FANCA: variants seen among roughly 807,000 people sequenced by gnomAD.
FANCA encodes the protein FA complementation group A.
In FANCA, 236 loss-of-function variants were observed where a neutral mutation model predicts 194.3. The ratio of observed to expected loss-of-function variants is 1.21; its 90% CI spans 1.09 to 1.35. FANCA has a LOEUF of 1.35. Among genes scored for constraint, FANCA ranks in the 40% most tolerant of loss-of-function variants. The probability of loss-of-function intolerance (pLI) is 0.00; values close to 1 mark genes in which losing one functional copy is unlikely to be tolerated. For synonymous variants in FANCA, 1,014 were observed against 715.8 expected (o/e 1.42, Z -6.65); for missense variants, 2,628 against 1,813.9 (o/e 1.45, Z -8.15).
At chr16:89,816,140 T>C (rs1012229917) in intron 1 of FANCA, 154 bp from the exon 2 acceptor site, 1 of 687,752 alleles carries the variant, frequency 1.5e-6, no homozygotes, top group South Asian at 1.5e-5. Context: ...CTCGGGAAAC[T>C]AACGGAGACG....
intron 5 of FANCA, 193 bp downstream of exon 5, chr16:89,810,514 G>A (rs1221877772): frequency 3.3e-6 from 2 of 602,664 alleles, no homozygotes; most frequent in South Asian, 1.9e-5. Flanking sequence ...GGTGAATAGG[G>A]ACAAAAAATG....
chr16:89,809,043 C>A (rs1465701490), intron 5 of FANCA, among the ~76,000 whole-genome samples: 1 of 151,968 alleles, frequency 6.6e-6, no homozygotes, highest in Non-Finnish European at 1.5e-5. Context: ...GTAGCTGGGA[C>A]TACAGGTGCC....
intron 14 of FANCA, among the ~76,000 whole-genome samples, chr16:89,789,226 C>T (rs975326624): frequency 2.0e-5 from 3 of 151,694 alleles, no homozygotes; most frequent in Non-Finnish European, 4.4e-5. Context: ...TTGACACTGA[C>T]ACTGCACCAG....
At chr16:89,784,790 A>G (rs934755021) in intron 15 of FANCA, 64 bp downstream of exon 15, 1 of 1,280,746 alleles carries the variant, frequency 7.8e-7, no homozygotes, top group Non-Finnish European at 1.1e-6. Flanking sequence ...AGGCCAAGGC[A>G]GTCCTCAGAT....
chr16:89,774,240 C>G (rs2039418514), intron 21 of FANCA, among the ~76,000 whole-genome samples: 2 of 152,140 alleles, frequency 1.3e-5, no homozygotes, highest in South Asian at 4.1e-4. Context: ...CTCTAGGAGT[C>G]TGTGCATAAG....
At chr16:89,773,892 C>T (rs574653521) in intron 21 of FANCA, among the ~76,000 whole-genome samples, 45 of 151,874 alleles carry the variant, frequency 3.0e-4, no homozygotes, top group Non-Finnish European at 4.9e-4. Flanking sequence ...GCCTCAGCCT[C>T]CCGAGTAGCT....
rs34010191 is a variant in FANCA at position 89,805,222 on chromosome 16, C to T, written c.709+58G>A. 12,921 of 1,320,112 alleles carry T rather than the reference C, an allele frequency of 9.8e-3. 102 individuals carry two copies. Among genetic ancestry groups the T allele is most frequent in the Middle Eastern group, 0.035 (193 of 5,550 alleles). The allele number at this position is 1,320,112 out of a possible 1,614,324, so 81.8% of individuals were successfully genotyped here. ...TCGCAGAGCTCTTGAGAGCAGAAGG[C>T]ATTATCACAGATCAAAATGAGTTTT... is the stretch of plus-strand genomic sequence containing the variant. On this transcript the variant is annotated intron_variant, in intron 7 of 42. Coordinates refer to ENST00000389301, the MANE Select transcript of FANCA (RefSeq NM_000135.4).
Position 89,740,828 on chromosome 16 carries a change from C to G in FANCA, c.3804G>C (p.Leu1268=), listed in dbSNP as rs1449170388. Residue 1268 remains leucine, a synonymous_variant, in exon 38 of 43, where the codon CTG becomes CTC. Coordinates refer to ENST00000389301, the MANE Select transcript of FANCA (RefSeq NM_000135.4). ...CATTTGAGGTCAGATGTGACGACAG[C>G]AGGCCCATCAAGGAGAAGAAGAAAA... is the stretch of plus-strand genomic sequence containing the variant. ...VFLFFFSLMG[L]LSSHLTSNST... 6.2e-7 allele frequency: 1 copy of G among 1,613,576 alleles called. No homozygotes were observed. Among genetic ancestry groups the G allele is most frequent in the Non-Finnish European group, 8.5e-7 (1 of 1,179,754 alleles).
chr16:89,739,363 T>C, intron 40 of FANCA, 74 bp from the exon 41 acceptor site: 1 of 1,599,728 alleles, frequency 6.3e-7, no homozygotes. Flanking sequence ...GGGATACTGC[T>C]CATCTGTGGA....
At chr16:89,746,173 C>T (rs954826780) in intron 35 of FANCA, among the ~76,000 whole-genome samples, 15 of 152,154 alleles carry the variant, frequency 9.9e-5, no homozygotes, top group African/African-American at 3.4e-4. Context: ...CTCCGAAGTC[C>T]CAAGAAAGCA....
chr16:89,746,966 G>A (rs1348444369), intron 33 of FANCA, 76 bp from the exon 34 acceptor site: 6 of 1,362,838 alleles, frequency 4.4e-6, no homozygotes, highest in South Asian at 1.3e-5. Flanking sequence ...TGGCTGCTGT[G>A]GATTCAGTTT....
At chr16:89,812,231 C>A (rs1050965650) in intron 3 of FANCA, among the ~76,000 whole-genome samples, 1 of 151,664 alleles carries the variant, frequency 6.6e-6, no homozygotes, top group African/African-American at 2.4e-5. Flanking sequence ...CCCAGCTACT[C>A]AGGAGGCTGA....
Position 89,772,274 on chromosome 16 carries a change from G to T in FANCA, c.2015-460C>A, listed in dbSNP as rs188698868. Among the ~76,000 whole-genome samples, 14 of 152,308 alleles carry T rather than the reference G, an allele frequency of 9.2e-5. No homozygotes were observed. In the East Asian group the frequency reaches 2.5e-3, roughly 27 times the overall value. On this transcript the variant is annotated intron_variant, in intron 22 of 42. Transcript: ENST00000389301. ...GTATCAACCTCTTGCTTAAGCACTG[G>T]AACTTTTCCTCCATGTCCCCCATGT...
intron 31 of FANCA, among the ~76,000 whole-genome samples, chr16:89,750,513 G>C (rs2038551619): frequency 6.9e-6 from 1 of 144,252 alleles, no homozygotes; most frequent in Non-Finnish European, 1.5e-5. Context: ...AAACAGCCAG[G>C]TATGGTGGCT....
chr16:89,759,573 C>A (rs1388004882), intron 29 of FANCA, among the ~76,000 whole-genome samples: 1 of 151,726 alleles, frequency 6.6e-6, no homozygotes, highest in African/African-American at 2.4e-5. Flanking sequence ...TCAGCCTGAG[C>A]AACAAAGGGA....
chr16:89,754,941 A>G (rs1331027400), intron 30 of FANCA, among the ~76,000 whole-genome samples: 1 of 152,172 alleles, frequency 6.6e-6, no homozygotes, highest in South Asian at 2.1e-4. Context: ...AAGCCAAACC[A>G]TCCTGAAAAA....
In FANCA at chr16:89,752,919, T is replaced by C. The variant is rs375616565; in HGVS notation, c.2982-697A>G. ...CCCCCGGGGAGTTTAGAGAAGACTCTGCTCCTCCACCTCTTGTGGAGGGCC... is the reference window on the plus strand; with the variant it reads ...CCCCCGGGGAGTTTAGAGAAGACTCCGCTCCTCCACCTCTTGTGGAGGGCC... On this transcript the variant is annotated intron_variant, in intron 30 of 42. Coordinates refer to ENST00000389301, the MANE Select transcript of FANCA (RefSeq NM_000135.4). 9.9e-5 allele frequency among the ~76,000 whole-genome samples: 15 copies of C among 152,258 alleles called. No homozygotes were observed. In the East Asian group the frequency reaches 2.1e-3, roughly 22 times the overall value.
At chr16:89,794,785 C>G (rs1334712922) in intron 11 of FANCA, among the ~76,000 whole-genome samples, 5 of 152,158 alleles carry the variant, frequency 3.3e-5, no homozygotes, top group Non-Finnish European at 7.3e-5. Flanking sequence ...AGACTGATAT[C>G]TTGGGTACAG....
chr16:89,782,987 G>C lies in FANCA; in HGVS notation c.1566+20C>G, dbSNP rs901722356. ...TCTGCTGGGACAGGTGTGAGGAGTG[G>C]GCATGGAGGGACAGCTTGCCTTGAG... On this transcript the variant is annotated intron_variant, in intron 16 of 42. Transcript: ENST00000389301. 2 of 1,612,452 alleles carry C rather than the reference G, an allele frequency of 1.2e-6. No individual in the cohort carries two copies. Among genetic ancestry groups the C allele is most frequent in the Non-Finnish European group, 1.7e-6 (2 of 1,178,476 alleles).
Sources: allele counts gnomAD v4.1 joint callset (sites outside exome capture counted in the v4.1 genomes callset), GRCh38; gene constraint gnomAD v4.1.1; transcripts MANE v1.5; gene names NCBI Gene and HGNC (gene_info 2026-07-23, HGNC 2026-07-21).